Variants in ZNF439 observed in about 807,000 individuals in gnomAD.
ZNF439 encodes zinc finger protein 439.
ZNF439 carries 40 observed loss-of-function variants against 47.3 expected under a neutral mutation model. The ratio of observed to expected loss-of-function variants is 0.85; its 90% CI spans 0.66 to 1.10. The LOEUF (loss-of-function observed/expected upper bound fraction) is 1.10. Among genes scored for constraint, ZNF439 ranks in the 50% least tolerant of loss-of-function variants. The pLI is 0.00. For missense variants in ZNF439, 556 were observed against 601.1 expected (o/e 0.93, Z 0.78); for synonymous variants, 171 against 198.8 (o/e 0.86, Z 1.18).
At position 11,868,438 on chromosome 19, in the gene ZNF439, C is replaced by T. The variant is rs149419820; in HGVS notation, c.1384C>T (p.Arg462Cys). The T allele has an allele frequency of 5.6e-6, 9 of 1,612,004 alleles. No individual in the cohort carries two copies. Among genetic ancestry groups the T allele is most frequent in the South Asian group, 4.4e-5 (4 of 90,968 alleles). The stretch of plus-strand genomic sequence containing the variant: ...ATCTGCCTCACAACTTCGAATCCAT[C>T]GTAGGATTCACACTGGAGAGAAACC... ...FRSASQLRIH[R>C]RIHTGEKPYE... The change falls in exon 4 of 4, where the codon CGT becomes TGT. Residue 462 changes from arginine (R) to cysteine (C), a missense_variant. Physicochemically the swap from Arg to Cys is radical, Grantham distance 180. Coordinates refer to ENST00000682736, the MANE Select transcript of ZNF439 (RefSeq NM_001348719.2).
intron 1 of ZNF439, among the ~76,000 whole-genome samples, chr19:11,865,736 A>AC (rs1976658689): frequency 5.2e-5 from 7 of 135,726 alleles, no homozygotes; most frequent in African/African-American, 1.5e-4. Flanking sequence ...AAAAAAAAAA[A>AC]AAAATTGCTG....
At chr19:11,867,245 C>A in intron 3 of ZNF439, 61 bp from the exon 4 acceptor site, 1 of 1,551,668 alleles carries the variant, frequency 6.4e-7, no homozygotes, top group Non-Finnish European at 8.7e-7. Flanking sequence ...ACAATACTTG[C>A]TGATTAATAT....
Position 11,848,759 on chromosome 19 carries a change from C to A in ZNF439, c.-109C>A. 7.8e-7 allele frequency: 1 copy of A among 1,279,600 alleles called. No homozygotes were observed. The highest frequency in any genetic ancestry group is 1.0e-6 in the Non-Finnish European group (1 of 990,444). 79.3% of individuals were successfully genotyped at this position (1,279,600 alleles called of 1,614,324 possible). A position where few individuals can be genotyped will look rare whatever the true frequency, so the allele number is the denominator to read the frequency against. On this transcript the variant is annotated 5_prime_UTR_variant, in exon 1 of 4. In the 5' UTR this introduces an upstream ATG that the reference lacks. Coordinates refer to ENST00000682736, the MANE Select transcript of ZNF439 (RefSeq NM_001348719.2). ...TCCAGGCACGGAGGATGTTGCATTC[C>A]TGCCGTCACCTTTGTCGCTGCGAGG...
Position 11,848,767 on chromosome 19 carries a change from A to C in ZNF439, c.-101A>C. Reference sequence around the variant, plus strand: ...CGGAGGATGTTGCATTCCTGCCGTCACCTTTGTCGCTGCGAGGGCGGCGGT... The same window carrying C: ...CGGAGGATGTTGCATTCCTGCCGTCCCCTTTGTCGCTGCGAGGGCGGCGGT... On this transcript the variant is annotated 5_prime_UTR_variant, in exon 1 of 4. Coordinates refer to ENST00000682736, the MANE Select transcript of ZNF439 (RefSeq NM_001348719.2). 7.7e-7 allele frequency: 1 copy of C among 1,305,970 alleles called. No homozygotes were observed. The highest frequency in any genetic ancestry group is 9.9e-7 in the Non-Finnish European group (1 of 1,005,346). The allele number at this position is 1,305,970 out of a possible 1,614,324, so 80.9% of individuals were successfully genotyped here.
Position 11,866,745 on chromosome 19 carries a change from G to A in ZNF439, c.251+148G>A, listed in dbSNP as rs565492264. 47 of 909,684 alleles carry A rather than the reference G, an allele frequency of 5.2e-5. No individual in the cohort carries two copies. The African/African-American group carries it at 6.8e-4, about 13-fold the overall frequency. The allele number at this position is 909,684 out of a possible 1,614,324, so 56.4% of individuals were successfully genotyped here. A position where few individuals can be genotyped will look rare whatever the true frequency, so the allele number is the denominator to read the frequency against. On this transcript the variant is annotated intron_variant, in intron 3 of 3. Transcript: ENST00000682736. ...TTTATCTAAAAATATATATTTAAATGTGATCAAGGCTGAGGGCTCACTCCT... is the reference window on the plus strand; with the variant it reads ...TTTATCTAAAAATATATATTTAAATATGATCAAGGCTGAGGGCTCACTCCT...
At chr19:11,851,910 A>T (rs1025016665) in intron 1 of ZNF439, among the ~76,000 whole-genome samples, 1 of 152,108 alleles carries the variant, frequency 6.6e-6, no homozygotes, top group African/African-American at 2.4e-5. Flanking sequence ...GGCCTCCACA[A>T]GTCTTGGGAT....
intron 1 of ZNF439, among the ~76,000 whole-genome samples, chr19:11,860,220 T>A (rs1208740021): frequency 6.6e-6 from 1 of 152,068 alleles, no homozygotes; most frequent in Non-Finnish European, 1.5e-5. Flanking sequence ...GGCGGGTGGA[T>A]CATGAGGTCA....
At chr19:11,863,097 T>A (rs1309396746) in intron 1 of ZNF439, among the ~76,000 whole-genome samples, 1 of 151,902 alleles carries the variant, frequency 6.6e-6, no homozygotes, top group Admixed American at 6.6e-5. Context: ...TCCTGTCATA[T>A]GTTTGTTTGC....
chr19:11,866,977 G>A (rs1729891092), intron 3 of ZNF439, among the ~76,000 whole-genome samples: 1 of 152,192 alleles, frequency 6.6e-6, no homozygotes, highest in Non-Finnish European at 1.5e-5. Context: ...GTTAAAGGCT[G>A]TGGTAAGCTA....
intron 1 of ZNF439, among the ~76,000 whole-genome samples, chr19:11,859,438 C>T (rs1189458542): frequency 6.6e-6 from 1 of 152,098 alleles, no homozygotes; most frequent in African/African-American, 2.4e-5. Flanking sequence ...CACATTTCTT[C>T]CCAATTTAAA....
chr19:11,868,401 G>C lies in ZNF439; in HGVS notation c.1347G>C (p.Gly449=). 1 of 1,613,286 alleles carries C rather than the reference G, an allele frequency of 6.2e-7. No individual in the cohort carries two copies. The highest frequency in any genetic ancestry group is 8.5e-7 in the Non-Finnish European group (1 of 1,179,830). Residue 449 remains glycine, a synonymous_variant, in exon 4 of 4, where the codon GGG becomes GGC. Transcript: ENST00000682736. ...AACCGTATCAATGTAAGGAATGTGG[G>C]AAAGCTTTCAGATCTGCCTCACAAC... ...GEKPYQCKEC[G]KAFRSASQLR...
At chr19:11,850,713 G>A (rs1976212923) in intron 1 of ZNF439, 1 of 152,210 alleles carries the variant, frequency 6.6e-6, no homozygotes, top group South Asian at 2.1e-4. Context: ...GAGTCACAAA[G>A]TGCAGTGCGA....
chr19:11,853,547 C>A (rs1241955696), intron 1 of ZNF439, among the ~76,000 whole-genome samples: 1 of 152,154 alleles, frequency 6.6e-6, no homozygotes, highest in East Asian at 1.9e-4. Flanking sequence ...TAACCTCAAG[C>A]AGCACAGCAC....
intron 1 of ZNF439, chr19:11,856,204 A>T (rs1353537365): frequency 6.6e-6 from 1 of 152,226 alleles, no homozygotes; most frequent in African/African-American, 2.4e-5. Flanking sequence ...ATTTAAAGTA[A>T]ATAAGGCTAA....
At chr19:11,861,496 T>C (rs1258833014) in intron 1 of ZNF439, among the ~76,000 whole-genome samples, 4 of 152,184 alleles carry the variant, frequency 2.6e-5, no homozygotes, top group Non-Finnish European at 4.4e-5. Context: ...GTGGCAGAGA[T>C]GCCTGGTATA....
At chr19:11,865,893 G>A (rs573504352) in intron 1 of ZNF439, 8 of 476,390 alleles carry the variant, frequency 1.7e-5, no homozygotes, top group Admixed American at 1.4e-4. Flanking sequence ...CGGGTATGCT[G>A]GTGCATGCCT....
intron 1 of ZNF439, chr19:11,857,317 T>A (rs980858390): frequency 6.6e-6 from 1 of 152,232 alleles, no homozygotes; most frequent in African/African-American, 2.4e-5. Flanking sequence ...TGTGGCCTGT[T>A]GTTGGGAATC....
chr19:11,857,851 T>C (rs1976428824), intron 1 of ZNF439: 3 of 152,194 alleles, frequency 2.0e-5, no homozygotes, highest in Admixed American at 1.3e-4. Context: ...GGGAAGTTGC[T>C]TGTACTTTCT....
At chr19:11,854,166 G>C (rs777364780) in intron 1 of ZNF439, among the ~76,000 whole-genome samples, 1 of 152,176 alleles carries the variant, frequency 6.6e-6, no homozygotes, top group Non-Finnish European at 1.5e-5. Context: ...TTGTAACTCA[G>C]TGTTAATTCT....
Sources: allele counts gnomAD v4.1 joint callset (sites outside exome capture counted in the v4.1 genomes callset), GRCh38; gene constraint gnomAD v4.1.1; transcripts MANE v1.5; gene names NCBI Gene and HGNC (gene_info 2026-07-23, HGNC 2026-07-21).